Variants in DLC1 observed in about 807,000 individuals in gnomAD.
The protein encoded by DLC1 is DLC1 Rho GTPase activating protein.
A neutral mutation model predicts 140.3 loss-of-function variants in DLC1; 54 were observed. The observed-to-expected ratio is 0.38, with a 90% CI of 0.31 to 0.48. The LOEUF (loss-of-function observed/expected upper bound fraction) is 0.48. Among genes scored for constraint, DLC1 ranks in the 20% least tolerant of loss-of-function variants. DLC1 has a pLI of 0.96. For missense variants in DLC1, 2,536 were observed against 1,907.0 expected (o/e 1.33, Z -6.14); for synonymous variants, 986 against 728.1 (o/e 1.35, Z -5.70).
intron 5 of DLC1, among the ~76,000 whole-genome samples, chr8:13,180,176 C>A (rs1457722584): frequency 6.6e-6 from 1 of 152,166 alleles, no homozygotes; most frequent in Non-Finnish European, 1.5e-5. Context: ...GACTTACTGT[C>A]TTTAGTGCAG....
At position 13,305,264 on chromosome 8, in the gene DLC1, C is replaced by T. The variant is rs1215611838; in HGVS notation, c.1348+5G>A. The stretch of plus-strand genomic sequence containing the variant: ...CGAGAAAACAGAACCAAAATGTCAA[C>T]TTACCAGCCTTTTCCTTCTCTGAAA... On this transcript the variant is annotated splice_donor_5th_base_variant and intron_variant, in intron 5 of 17. Coordinates refer to ENST00000276297, the MANE Select transcript of DLC1 (RefSeq NM_182643.3). 1 of 1,606,668 alleles carries T rather than the reference C, an allele frequency of 6.2e-7. No homozygotes were observed. Among genetic ancestry groups the T allele is most frequent in the South Asian group, 1.1e-5 (1 of 89,144 alleles).
chr8:13,283,250 G>T (rs1831426474), intron 5 of DLC1, among the ~76,000 whole-genome samples: 1 of 151,544 alleles, frequency 6.6e-6, no homozygotes, highest in Non-Finnish European at 1.5e-5. Flanking sequence ...TCCGTAAAAA[G>T]CTATTTGCAG....
intron 5 of DLC1, among the ~76,000 whole-genome samples, chr8:13,127,696 T>G (rs1821702483): frequency 6.6e-6 from 1 of 152,216 alleles, no homozygotes; most frequent in South Asian, 2.1e-4. Context: ...CCTAAAGTGC[T>G]GCCAGCCTGG....
rs180981307 is a variant in DLC1 at position 13,378,969 on chromosome 8, G to A, written c.1314+14584C>T. ...ATAAATATATAATGTTAACAGTAAT[G>A]AAAGATATTGAAATAATTTTAAGTT... On this transcript the variant is annotated intron_variant, in intron 4 of 17. Transcript: ENST00000276297. Among the ~76,000 whole-genome samples, 126 of 152,266 alleles carry A rather than the reference G, an allele frequency of 8.3e-4. 3 individuals carry two copies. Among genetic ancestry groups the A allele is most frequent in the Middle Eastern group, 3.4e-3 (1 of 294 alleles).
chr8:13,398,164 A>C (rs1837133795), intron 3 of DLC1, among the ~76,000 whole-genome samples: 1 of 152,166 alleles, frequency 6.6e-6, no homozygotes, highest in Non-Finnish European at 1.5e-5. Flanking sequence ...CTAAAAAATA[A>C]AAATAAATTA....
chr8:13,250,829 A>C (rs1027295009), intron 5 of DLC1, among the ~76,000 whole-genome samples: 7 of 152,216 alleles, frequency 4.6e-5, no homozygotes, highest in Admixed American at 2.0e-4. Flanking sequence ...ACAAGCTTCT[A>C]TTATTACCAT....
intron 2 of DLC1, among the ~76,000 whole-genome samples, chr8:13,459,242 T>A (rs1337042412): frequency 6.6e-6 from 1 of 152,210 alleles, no homozygotes; most frequent in South Asian, 2.1e-4. Context: ...TTTTCTGATT[T>A]CTTCCTTTCC....
chr8:13,276,050 C>T (rs569248160), intron 5 of DLC1, among the ~76,000 whole-genome samples: 3 of 152,144 alleles, frequency 2.0e-5, no homozygotes, highest in African/African-American at 7.2e-5. Flanking sequence ...ACCAGAGCGG[C>T]GTTACACAAA....
intron 5 of DLC1, among the ~76,000 whole-genome samples, chr8:13,147,080 C>T (rs1376796903): frequency 6.6e-6 from 1 of 152,224 alleles, no homozygotes; most frequent in Non-Finnish European, 1.5e-5. Flanking sequence ...GTTTGTCTAA[C>T]TGTACCTAGG....
At chr8:13,445,805 G>T (rs1262488349) in intron 2 of DLC1, among the ~76,000 whole-genome samples, 1 of 152,142 alleles carries the variant, frequency 6.6e-6, no homozygotes, top group African/African-American at 2.4e-5. Context: ...TGAAGAATCT[G>T]CATACTTAGC....
At chr8:13,133,894 T>C (rs1042038237) in intron 5 of DLC1, among the ~76,000 whole-genome samples, 15 of 152,170 alleles carry the variant, frequency 9.9e-5, no homozygotes, top group Non-Finnish European at 2.9e-5. Flanking sequence ...TGGTTATTTA[T>C]TGCTAAAACC....
intron 4 of DLC1, among the ~76,000 whole-genome samples, chr8:13,344,234 C>G (rs1032726479): frequency 6.6e-6 from 1 of 152,174 alleles, no homozygotes; most frequent in African/African-American, 2.4e-5. Context: ...TGGTTCATAC[C>G]TGTAATCCCA....
intron 5 of DLC1, among the ~76,000 whole-genome samples, chr8:13,263,373 G>C (rs1291888092): frequency 6.6e-6 from 1 of 151,938 alleles, no homozygotes; most frequent in Non-Finnish European, 1.5e-5. Context: ...TTATACCCAA[G>C]TAATGAACTT....
At chr8:13,208,703 A>G (rs554675813) in intron 5 of DLC1, among the ~76,000 whole-genome samples, 1 of 150,424 alleles carries the variant, frequency 6.6e-6, no homozygotes, top group South Asian at 2.1e-4. Flanking sequence ...AGACATTTCA[A>G]TGCAGGACAA....
intron 2 of DLC1, among the ~76,000 whole-genome samples, chr8:13,427,136 G>A (rs547210910): frequency 1.1e-4 from 17 of 152,150 alleles, no homozygotes; most frequent in African/African-American, 3.1e-4. Context: ...ATGTATGTGG[G>A]GCTCTTGGCT....
intron 4 of DLC1, among the ~76,000 whole-genome samples, chr8:13,314,057 A>G (rs1832778276): frequency 1.3e-5 from 2 of 152,112 alleles, no homozygotes; most frequent in Admixed American, 1.3e-4. Context: ...GAACATTTAT[A>G]TTCTGCACTC....
intron 2 of DLC1, among the ~76,000 whole-genome samples, chr8:13,497,382 T>A (rs1428061072): frequency 6.6e-6 from 1 of 152,206 alleles, no homozygotes; most frequent in Admixed American, 6.5e-5. Flanking sequence ...TTTAATCTAT[T>A]TATTAGAAGG....
At chr8:13,242,709 A>C (rs902259567) in intron 5 of DLC1, among the ~76,000 whole-genome samples, 1 of 152,310 alleles carries the variant, frequency 6.6e-6, no homozygotes, top group African/African-American at 2.4e-5. Context: ...ATAGGTTTAC[A>C]CAGGTGTTGC....
chr8:13,269,845 C>A (rs975541694), intron 5 of DLC1, among the ~76,000 whole-genome samples: 2 of 149,974 alleles, frequency 1.3e-5, no homozygotes, highest in Admixed American at 6.7e-5. Flanking sequence ...ATCACGAGGT[C>A]GGGAGATCAA....
Sources: gnomAD v4.1 joint callset for allele counts (sites outside exome capture counted in the v4.1 genomes callset) on GRCh38, gnomAD v4.1.1 for gene constraint, MANE v1.5 for transcripts, NCBI Gene and HGNC (gene_info 2026-07-23, HGNC 2026-07-21) for gene names.